CSMD3: variants seen among roughly 807,000 people sequenced by gnomAD.
CSMD3 encodes CUB and Sushi multiple domains 3, also known as CUB and sushi domain-containing protein 3.
In CSMD3, 177 loss-of-function variants were observed where a neutral mutation model predicts 435.2. The observed-to-expected ratio is 0.41, with a 90% CI of 0.36 to 0.46. The LOEUF (loss-of-function observed/expected upper bound fraction) is 0.46, where lower values mean the gene tolerates loss of function less well. Ranked by LOEUF, CSMD3 falls within the 20% of genes least tolerant of loss-of-function variation. The pLI is 0.34. For synonymous variants in CSMD3, 1,656 were observed against 1,520.5 expected (o/e 1.09, Z -2.07); for missense variants, 4,265 against 4,504.6 (o/e 0.95, Z 1.52).
rs201926955 is a variant in CSMD3 at position 112,287,160 on chromosome 8, G to A, written c.9235C>T (p.Arg3079Cys). ...ESNFRTKSTV[R>C]YACDTGYILH... ...ATGTAACCAGTATCACAAGCATAAC[G>A]TACAGTACTTTTAGTTCTGAAATTG... The change falls in exon 58 of 71, where the codon CGT (arginine) becomes TGT (cysteine). Residue 3079 changes from arginine to cysteine, a missense_variant. By Grantham distance (180) the Arg-to-Cys change is radical. Around this residue, in one of 3 missense-constraint regions of CSMD3, gnomAD observed 3,255 missense variants for 3,380.2 expected, o/e 0.96. Coordinates refer to ENST00000297405, the MANE Select transcript of CSMD3 (RefSeq NM_198123.2). 5 of 1,613,528 alleles carry A rather than the reference G, an allele frequency of 3.1e-6. No individual in the cohort carries two copies. Among genetic ancestry groups the A allele is most frequent in the East Asian group, 2.2e-5 (1 of 44,866 alleles).
chr8:113,202,061 G>A (rs941510239), intron 3 of CSMD3, among the ~76,000 whole-genome samples: 2 of 151,968 alleles, frequency 1.3e-5, no homozygotes, highest in East Asian at 3.9e-4. Flanking sequence ...TATTGATGGC[G>A]CTTTCACAAA....
chr8:113,420,816 T>C (rs1554635504), intron 1 of CSMD3, among the ~76,000 whole-genome samples: 1 of 151,686 alleles, frequency 6.6e-6, no homozygotes, highest in Non-Finnish European at 1.5e-5. Flanking sequence ...GGGCTTGGTG[T>C]CAGGCACCTG....
intron 36 of CSMD3, among the ~76,000 whole-genome samples, chr8:112,386,787 G>A (rs7819526): frequency 0.27 from 41,400 of 151,852 alleles, 6,791 homozygotes; most frequent in African/African-American, 0.46. Context: ...GTGAGCCACC[G>A]CGCCCGGCCC....
intron 27 of CSMD3, among the ~76,000 whole-genome samples, chr8:112,546,782 A>G (rs1195763086): frequency 6.6e-6 from 1 of 152,210 alleles, no homozygotes; most frequent in Non-Finnish European, 1.5e-5. Flanking sequence ...CTGATTAAGC[A>G]AAAGTGCCTT....
intron 32 of CSMD3, among the ~76,000 whole-genome samples, chr8:112,447,404 C>T (rs1355464471): frequency 1.3e-5 from 2 of 152,132 alleles, no homozygotes; most frequent in Non-Finnish European, 1.5e-5. Flanking sequence ...TTTCAAAGAT[C>T]ACATCTAAAA....
chr8:113,294,611 T>C (rs1326873140), intron 2 of CSMD3, among the ~76,000 whole-genome samples: 1 of 152,096 alleles, frequency 6.6e-6, no homozygotes, highest in African/African-American at 2.4e-5. Context: ...AATTAATCTA[T>C]GGATCTGATA....
At chr8:112,304,992 T>G in intron 51 of CSMD3, 77 bp from the exon 52 acceptor site, 1 of 1,044,296 alleles carries the variant, frequency 9.6e-7, no homozygotes, top group South Asian at 1.3e-5. Context: ...ACATCTCCAC[T>G]GACCTAATTC....
At chr8:112,718,345 T>C (rs920972777) in intron 13 of CSMD3, among the ~76,000 whole-genome samples, 1 of 151,992 alleles carries the variant, frequency 6.6e-6, no homozygotes, top group African/African-American at 2.4e-5. Context: ...GAAGAATTCA[T>C]GAAATTCATT....
chr8:112,280,701 A>T lies in CSMD3; in HGVS notation c.9508+473T>A, dbSNP rs190718252. On this transcript the variant is annotated intron_variant, in intron 59 of 70. Coordinates refer to ENST00000297405, the MANE Select transcript of CSMD3 (RefSeq NM_198123.2). ...GGGAGTAATTTTATTATAATGCAGA[A>T]TCTCCAAAGTGCCATCTATTTTTAA... Among the ~76,000 whole-genome samples, 66 of 152,264 alleles carry T rather than the reference A, an allele frequency of 4.3e-4. 1 individual carries two copies. In the East Asian group the frequency reaches 5.4e-3, roughly 12 times the overall value.
At chr8:112,962,863 C>A (rs1234711827) in intron 7 of CSMD3, among the ~76,000 whole-genome samples, 1 of 151,938 alleles carries the variant, frequency 6.6e-6, no homozygotes, top group Non-Finnish European at 1.5e-5. Flanking sequence ...TACATCCTTG[C>A]TACACAAATT....
intron 5 of CSMD3, among the ~76,000 whole-genome samples, chr8:113,069,412 A>G (rs148595200): frequency 7.2e-4 from 110 of 152,282 alleles, no homozygotes; most frequent in Non-Finnish European, 1.2e-4. Context: ...ATATAGTAAT[A>G]TGGGATTATA....
chr8:112,551,561 C>T (rs1214472858), intron 26 of CSMD3, among the ~76,000 whole-genome samples: 1 of 151,966 alleles, frequency 6.6e-6, no homozygotes, highest in Non-Finnish European at 1.5e-5. Context: ...TGCAATTTAA[C>T]ATCAAATAAT....
chr8:113,276,150 T>TGC (rs2093568131), intron 3 of CSMD3, among the ~76,000 whole-genome samples: 1 of 152,098 alleles, frequency 6.6e-6, no homozygotes, highest in Non-Finnish European at 1.5e-5. Flanking sequence ...GGCCAAATAA[T>TGC]GCCCCTCTAC....
intron 3 of CSMD3, among the ~76,000 whole-genome samples, 190 bp from the exon 4 acceptor site, chr8:113,174,106 G>A (rs1044338785): frequency 2.6e-5 from 4 of 152,010 alleles, no homozygotes; most frequent in African/African-American, 9.7e-5. Flanking sequence ...TTATCACAGA[G>A]GTATTATTGG....
chr8:113,320,065 A>T (rs1435304004), intron 1 of CSMD3, among the ~76,000 whole-genome samples: 1 of 152,042 alleles, frequency 6.6e-6, no homozygotes, highest in Non-Finnish European at 1.5e-5. Flanking sequence ...CAGGACATTT[A>T]GGCCATTGCT....
chr8:112,340,282 A>G (rs1220136024), intron 42 of CSMD3, among the ~76,000 whole-genome samples: 2 of 152,190 alleles, frequency 1.3e-5, no homozygotes, highest in Non-Finnish European at 2.9e-5. Flanking sequence ...GGTTAATTCA[A>G]TGTGCTGGGA....
At chr8:112,366,144 C>T (rs1827763340) in intron 38 of CSMD3, among the ~76,000 whole-genome samples, 1 of 152,142 alleles carries the variant, frequency 6.6e-6, no homozygotes, top group Non-Finnish European at 1.5e-5. Context: ...AAAGCAAAAA[C>T]AGACTGGTCA....
intron 6 of CSMD3, among the ~76,000 whole-genome samples, chr8:113,014,999 A>C (rs2086400292): frequency 6.6e-6 from 1 of 152,158 alleles, no homozygotes; most frequent in Non-Finnish European, 1.5e-5. Context: ...ATTCAATTCT[A>C]ACCTTCTGAT....
At chr8:112,550,912 G>T in intron 26 of CSMD3, 39 bp from the exon 27 acceptor site, 1 of 1,459,018 alleles carries the variant, frequency 6.9e-7, no homozygotes, top group Non-Finnish European at 9.6e-7. Context: ...TTTTAAACAA[G>T]GATTCAACTT....
Sources: allele counts gnomAD v4.1 joint callset (sites outside exome capture counted in the v4.1 genomes callset), GRCh38; gene constraint gnomAD v4.1.1; regional missense constraint gnomAD v4.1.1; transcripts MANE v1.5; gene names NCBI Gene and HGNC (gene_info 2026-07-23, HGNC 2026-07-21).